ULK2: variants seen among roughly 807,000 people sequenced by gnomAD.
ULK2 encodes unc-51 like autophagy activating kinase 2, also known as serine/threonine-protein kinase ULK2.
In ULK2, 76 loss-of-function variants were observed where a neutral mutation model predicts 127.5. The ratio of observed to expected loss-of-function variants is 0.60; its 90% CI spans 0.50 to 0.72. ULK2 has a LOEUF of 0.72. ULK2 is among the 30% of genes least tolerant of loss of function. The pLI is 0.00. For synonymous variants in ULK2, 452 were observed against 461.9 expected, an observed-to-expected ratio of 0.98 and a Z score of 0.28; for missense variants, 1,144 against 1,295.9, an observed-to-expected ratio of 0.88 and a Z score of 1.80.
At position 19,797,413 on chromosome 17, in the gene ULK2, T is replaced by C. The variant is rs200451495; in HGVS notation, c.1792A>G (p.Ile598Val). 2 of 1,613,368 alleles carry C rather than the reference T, an allele frequency of 1.2e-6. No individual in the cohort carries two copies. The highest frequency in any genetic ancestry group is 3.3e-5 in the Admixed American group (2 of 59,974). The change falls in exon 18 of 27, where the codon ATT becomes GTT. Residue 598 changes from isoleucine (I) to valine (V), a missense_variant. Transcript: ENST00000395544. ...AAACAAACCTTAGTAGGAGAGCCAA[T>C]GATTGTTGGCAAAGGAGTTTTAAAG... The part of the protein sequence containing the change: ...WFFKTPLPTI[I>V]GSPTKTTAPF...
intron 14 of ULK2, among the ~76,000 whole-genome samples, chr17:19,809,594 A>G (rs546602904): frequency 1.3e-5 from 2 of 152,064 alleles, no homozygotes; most frequent in East Asian, 3.9e-4. Context: ...TTAGCTGGGC[A>G]TGGTGGTGCG....
At chr17:19,789,582 A>G (rs1216941676) in intron 20 of ULK2, among the ~76,000 whole-genome samples, 2 of 152,236 alleles carry the variant, frequency 1.3e-5, no homozygotes, top group African/African-American at 4.8e-5. Flanking sequence ...TCATGGAGAA[A>G]CAGATACATA....
chr17:19,826,969 AAAG>A (rs2041313259), intron 10 of ULK2, among the ~76,000 whole-genome samples: 1 of 151,958 alleles, frequency 6.6e-6, no homozygotes, highest in African/African-American at 2.4e-5. Context: ...AAAAAAAAAA[AAAG>A]AAACTACAAA....
In ULK2 at chr17:19,836,224, C is replaced by CGTTG. The variant is rs2041594535; in HGVS notation, c.787+2276_787+2277insCAAC. On this transcript the variant is annotated intron_variant, in intron 10 of 26. Coordinates refer to ENST00000395544, the MANE Select transcript of ULK2 (RefSeq NM_014683.4). Reference sequence around the variant, plus strand: ...AGGAGTTCAAGATCAGCCTGACCAACATGGTGAAACCCCATCTCTACTAAA... The same window carrying CGTTG: ...AGGAGTTCAAGATCAGCCTGACCAACGTTGATGGTGAAACCCCATCTCTACTAAA... Among the ~76,000 whole-genome samples the CGTTG allele has an allele frequency of 6.6e-5, 10 of 151,460 alleles. 1 individual carries two copies. In the South Asian group the frequency reaches 2.1e-3, roughly 32 times the overall value.
intron 3 of ULK2, among the ~76,000 whole-genome samples, chr17:19,857,653 T>G (rs1005868605): frequency 1.3e-5 from 2 of 152,208 alleles, no homozygotes; most frequent in Non-Finnish European, 2.9e-5. Context: ...AGTTATGTAT[T>G]CCTAAGTGAA....
chr17:19,833,626 G>A (rs577332196), intron 10 of ULK2, among the ~76,000 whole-genome samples: 3 of 151,946 alleles, frequency 2.0e-5, no homozygotes, highest in Non-Finnish European at 1.5e-5. Flanking sequence ...AGGAGACAGC[G>A]ACTCATCAAA....
chr17:19,787,135 C>T (rs1047507003), intron 20 of ULK2, among the ~76,000 whole-genome samples: 3 of 151,890 alleles, frequency 2.0e-5, no homozygotes, highest in South Asian at 2.1e-4. Flanking sequence ...ATTACAGGTG[C>T]GTGCCACCAC....
intron 9 of ULK2, among the ~76,000 whole-genome samples, chr17:19,838,826 G>C (rs1034560803): frequency 2.6e-5 from 4 of 151,822 alleles, no homozygotes; most frequent in African/African-American, 9.7e-5. Flanking sequence ...AGGAGATCGA[G>C]ACCATCCTGA....
chr17:19,781,132 T>C, intron 23 of ULK2, 28 bp from the exon 24 acceptor site: 1 of 1,606,472 alleles, frequency 6.2e-7, no homozygotes, highest in Non-Finnish European at 8.5e-7. Flanking sequence ...TAGCAGAGGG[T>C]TATCTTGTGA....
At chr17:19,780,855 C>A (rs1186691087) in intron 24 of ULK2, 131 bp downstream of exon 24, 1 of 1,004,108 alleles carries the variant, frequency 1.0e-6, no homozygotes, top group South Asian at 1.6e-5. Flanking sequence ...AACAACCCAG[C>A]ATCTTTTCCC....
At position 19,797,591 on chromosome 17, in the gene ULK2, G is replaced by C. The variant is rs765872120; in HGVS notation, c.1614C>G (p.Asn538Lys). 1.2e-6 allele frequency: 2 copies of C among 1,613,714 alleles called. No individual in the cohort carries two copies. Among genetic ancestry groups the C allele is most frequent in the Non-Finnish European group, 1.7e-6 (2 of 1,179,994 alleles). The change falls in exon 18 of 27, where the codon AAC becomes AAG. Residue 538 changes from asparagine (N) to lysine (K), a missense_variant. By Grantham distance (94) the Asn-to-Lys change is moderately conservative. Coordinates refer to ENST00000395544, the MANE Select transcript of ULK2 (RefSeq NM_014683.4). ...AGTGCTGTTTTCTGAGCTTCTGCTT[G>C]TTCTGATAGATGTCAGTGAGGGTGG... ...SAPTLTDIYQ[N>K]KQKLRKQHSD...
intron 12 of ULK2, among the ~76,000 whole-genome samples, chr17:19,823,558 C>A (rs2041212231): frequency 6.6e-6 from 1 of 152,138 alleles, no homozygotes; most frequent in South Asian, 2.1e-4. Context: ...TACATTGTGT[C>A]AAATATATGG....
At chr17:19,800,352 A>G (rs1454665577) in intron 16 of ULK2, among the ~76,000 whole-genome samples, 2 of 152,172 alleles carry the variant, frequency 1.3e-5, no homozygotes, top group Non-Finnish European at 2.9e-5. Flanking sequence ...GTTTAAGCAG[A>G]TGAGAAACAT....
At chr17:19,845,254 T>C (rs372348357) in intron 7 of ULK2, 50 bp downstream of exon 7, 11 of 1,495,196 alleles carry the variant, frequency 7.4e-6, no homozygotes, top group Middle Eastern at 1.7e-4. Context: ...TAAATTCCAA[T>C]GATTATGGAG....
At chr17:19,835,451 TC>T (rs1203392269) in intron 10 of ULK2, among the ~76,000 whole-genome samples, 21 of 147,244 alleles carry the variant, frequency 1.4e-4, no homozygotes, top group African/African-American at 4.9e-4. Context: ...GCGCGGTGGC[TC>T]ACGCCTGTAA....
Position 19,867,498 on chromosome 17 carries a change from G to A in ULK2, c.-81C>T, listed in dbSNP as rs1301062719. On this transcript the variant is annotated 5_prime_UTR_variant, in exon 1 of 27. Transcript: ENST00000395544. ...ATCAGCACCGCGGCTCCGCGGGCCC[G>A]GAGCGCGCCAGCGTGCGGCGGGTCT... The A allele has an allele frequency of 9.8e-6, 11 of 1,126,886 alleles. No individual in the cohort carries two copies. The highest frequency in any genetic ancestry group is 1.2e-5 in the Non-Finnish European group (10 of 852,998). 69.8% of individuals were successfully genotyped at this position (1,126,886 alleles called of 1,614,324 possible).
At chr17:19,797,930 A>G (rs2087310667) in intron 17 of ULK2, among the ~76,000 whole-genome samples, 1 of 152,188 alleles carries the variant, frequency 6.6e-6, no homozygotes, top group Non-Finnish European at 1.5e-5. Flanking sequence ...TAATCAGTAG[A>G]TAGCAAATAA....
rs1361102967 is a variant in ULK2 at position 19,801,215 on chromosome 17, A to C, written c.1441+562T>G. On this transcript the variant is annotated intron_variant, in intron 16 of 26. Coordinates refer to ENST00000395544, the MANE Select transcript of ULK2 (RefSeq NM_014683.4). ...ATCCCAAAGGAGATGCTTTTTATAC[A>C]TAAATTACATTTATATTATTGTATT... Among the ~76,000 whole-genome samples, 4 of 152,222 alleles carry C rather than the reference A, an allele frequency of 2.6e-5. No individual in the cohort carries two copies. In the East Asian group the frequency reaches 7.7e-4, roughly 29 times the overall value.
chr17:19,824,523 G>C (rs2041241421), intron 12 of ULK2, among the ~76,000 whole-genome samples: 1 of 148,736 alleles, frequency 6.7e-6, no homozygotes, highest in South Asian at 2.2e-4. Context: ...TGACCAGAAG[G>C]CCTCAGGATT....
Sources: gnomAD v4.1 joint callset for allele counts (sites outside exome capture counted in the v4.1 genomes callset) on GRCh38, gnomAD v4.1.1 for gene constraint, MANE v1.5 for transcripts, NCBI Gene and HGNC (gene_info 2026-07-23, HGNC 2026-07-21) for gene names.